NRG2: variants seen among roughly 807,000 people sequenced by gnomAD.
NRG2 encodes pro-neuregulin-2, membrane-bound isoform.
Under a neutral mutation model 73.9 loss-of-function variants are expected in NRG2, and 27 were observed. That is an observed-to-expected ratio of 0.37 (90% CI 0.27 to 0.50). The LOEUF is 0.50. NRG2 is among the 20% of genes least tolerant of loss of function. The pLI is 0.96. For missense variants in NRG2, 1,126 were observed against 1,210.1 expected (o/e 0.93, Z 1.03); for synonymous variants, 532 against 541.0 (o/e 0.98, Z 0.23).
intron 1 of NRG2, among the ~76,000 whole-genome samples, chr5:139,923,576 T>C (rs1751838901): frequency 6.6e-6 from 1 of 152,218 alleles, no homozygotes; most frequent in Non-Finnish European, 1.5e-5. Context: ...AAGGTTTCGA[T>C]GGACTATACC....
In NRG2 at chr5:139,962,213, A is replaced by G. The variant is rs557541625; in HGVS notation, c.701-74702T>C. Among the ~76,000 whole-genome samples the G allele has an allele frequency of 5.3e-5, 8 of 152,324 alleles. 1 individual carries two copies. In the East Asian group the frequency reaches 1.5e-3, roughly 29 times the overall value. On this transcript the variant is annotated intron_variant, in intron 1 of 9. Transcript: ENST00000361474. The stretch of plus-strand genomic sequence containing the variant: ...ACAGTCCTCCTTCTACCAATGCTGC[A>G]AAGCCCCTGGAGCAGATCACATGGC...
chr5:140,021,067 A>G (rs1257692498), intron 1 of NRG2, among the ~76,000 whole-genome samples: 2 of 152,276 alleles, frequency 1.3e-5, no homozygotes, highest in African/African-American at 4.8e-5. Flanking sequence ...AAACTGGTTC[A>G]CAGTTGTAAT....
intron 6 of NRG2, among the ~76,000 whole-genome samples, chr5:139,855,283 G>T (rs1761734070): frequency 6.6e-6 from 1 of 152,190 alleles, no homozygotes; most frequent in Non-Finnish European, 1.5e-5. Flanking sequence ...AGGAGCCTGT[G>T]GGGTCAGCTG....
chr5:139,884,133 AG>A (rs938271890), intron 2 of NRG2, among the ~76,000 whole-genome samples: 48 of 152,148 alleles, frequency 3.2e-4, no homozygotes, highest in African/African-American at 1.1e-3. Context: ...ATAGCGGAGA[AG>A]GGGGTATCTG....
chr5:139,969,772 C>T (rs1394902408), intron 1 of NRG2, among the ~76,000 whole-genome samples: 1 of 152,158 alleles, frequency 6.6e-6, no homozygotes, highest in Admixed American at 6.5e-5. Context: ...AGATGATGAC[C>T]TTTGGCTTAC....
intron 1 of NRG2, among the ~76,000 whole-genome samples, chr5:140,032,696 A>G (rs1350155107): frequency 6.6e-6 from 1 of 152,220 alleles, no homozygotes; most frequent in African/African-American, 2.4e-5. Context: ...GGCCCATCAA[A>G]AGATAATTAG....
intron 3 of NRG2, among the ~76,000 whole-genome samples, chr5:139,874,166 C>T (rs1029017596): frequency 6.6e-5 from 10 of 152,252 alleles, no homozygotes; most frequent in Non-Finnish European, 1.2e-4. Flanking sequence ...CACGCTGTAG[C>T]GCAGTTACAC....
intron 1 of NRG2, among the ~76,000 whole-genome samples, chr5:139,992,384 ATTGTT>A (rs748785381): frequency 6.6e-5 from 10 of 152,178 alleles, no homozygotes; most frequent in African/African-American, 1.7e-4. Flanking sequence ...TTATCTATGT[ATTGTT>A]TTGAGTTTTT....
At chr5:139,881,100 G>T (rs991986243) in intron 2 of NRG2, 126 bp from the exon 3 acceptor site, 27 of 717,358 alleles carry the variant, frequency 3.8e-5, no homozygotes, top group Admixed American at 1.9e-4. Context: ...ATGGGAAGGA[G>T]ATTCCCTCCC....
chr5:139,885,545 G>A (rs539025058), intron 2 of NRG2, among the ~76,000 whole-genome samples: 203 of 152,318 alleles, frequency 1.3e-3, no homozygotes, highest in South Asian at 5.4e-3. Context: ...ATATGGTGGT[G>A]GAGGGCGGAA....
At chr5:140,039,653 A>T (rs1240906332) in intron 1 of NRG2, among the ~76,000 whole-genome samples, 1 of 152,052 alleles carries the variant, frequency 6.6e-6, no homozygotes, top group Non-Finnish European at 1.5e-5. Flanking sequence ...CCTGAGGCCA[A>T]TTTTTAAACA....
intron 1 of NRG2, among the ~76,000 whole-genome samples, chr5:139,908,182 G>T (rs540406585): frequency 1.6e-4 from 24 of 152,352 alleles, no homozygotes; most frequent in African/African-American, 5.8e-4. Context: ...AGATACACTT[G>T]GACTGCCAGC....
At chr5:139,965,287 A>G (rs1466023538) in intron 1 of NRG2, among the ~76,000 whole-genome samples, 6 of 152,216 alleles carry the variant, frequency 3.9e-5, no homozygotes, top group African/African-American at 1.4e-4. Context: ...GGGTCAGGGG[A>G]CAGTACCCCA....
At chr5:139,848,934 G>C (rs1231592105) in intron 9 of NRG2, among the ~76,000 whole-genome samples, 1 of 152,186 alleles carries the variant, frequency 6.6e-6, no homozygotes, top group African/African-American at 2.4e-5. Flanking sequence ...TGATTCCATA[G>C]CTCTGTTGGG....
chr5:140,006,242 A>G (rs1204808161), intron 1 of NRG2, among the ~76,000 whole-genome samples: 2 of 152,228 alleles, frequency 1.3e-5, no homozygotes. Context: ...GCTCTTGTGC[A>G]GTATTATAAA....
intron 1 of NRG2, among the ~76,000 whole-genome samples, chr5:139,902,461 G>A (rs761694335): frequency 6.6e-6 from 1 of 152,212 alleles, no homozygotes; most frequent in Non-Finnish European, 1.5e-5. Flanking sequence ...CCATTAATTA[G>A]TGTCCCCTTC....
At chr5:139,873,925 G>A (rs894859724) in intron 3 of NRG2, among the ~76,000 whole-genome samples, 4 of 152,252 alleles carry the variant, frequency 2.6e-5, no homozygotes, top group East Asian at 1.9e-4. Flanking sequence ...TTGAGCCTGC[G>A]CTGCCAGTAT....
At chr5:139,885,722 T>TG (rs1306979514) in intron 2 of NRG2, among the ~76,000 whole-genome samples, 2 of 137,174 alleles carry the variant, frequency 1.5e-5, no homozygotes, top group African/African-American at 5.6e-5. Context: ...GTGTGTGTGG[T>TG]GGGGGGGAAT....
Position 139,915,114 on chromosome 5 carries a change from A to C in NRG2, c.701-27603T>G, listed in dbSNP as rs1286133207. ...TGGGAGAAAAGACCAAATTATAATTAATGGTTTGTTTCCCATTAAGCTTCT... is the reference window on the plus strand; with the variant it reads ...TGGGAGAAAAGACCAAATTATAATTCATGGTTTGTTTCCCATTAAGCTTCT... On this transcript the variant is annotated intron_variant, in intron 1 of 9. Transcript: ENST00000361474. This position sits in a 1 kb window ranked among gnomAD's most constrained non-coding sequence, Gnocchi z 4.0. Among the ~76,000 whole-genome samples the C allele has an allele frequency of 2.0e-5, 3 of 152,220 alleles. No homozygotes were observed. Among genetic ancestry groups the C allele is most frequent in the Non-Finnish European group, 4.4e-5 (3 of 68,048 alleles).
Sources: allele counts gnomAD v4.1 joint callset (sites outside exome capture counted in the v4.1 genomes callset), GRCh38; gene constraint gnomAD v4.1.1; non-coding constraint Gnocchi (gnomAD v3.1); transcripts MANE v1.5; gene names NCBI Gene and HGNC (gene_info 2026-07-23, HGNC 2026-07-21).